TENM2: variants seen among roughly 807,000 people sequenced by gnomAD.
The protein encoded by TENM2 is teneurin-2.
A neutral mutation model predicts 245.2 loss-of-function variants in TENM2; 52 were observed. The observed-to-expected ratio is 0.21, with a 90% CI of 0.17 to 0.27. The LOEUF is 0.27. Ranked by LOEUF, TENM2 falls within the 10% of genes least tolerant of loss-of-function variation. The pLI, the probability that TENM2 is intolerant of heterozygous loss-of-function variation, is 1.00. For synonymous variants in TENM2, 1,363 were observed against 1,438.9 expected (o/e 0.95, Z 1.19); for missense variants, 3,046 against 3,666.8 (o/e 0.83, Z 4.37).
the TENM2 span, among the ~76,000 whole-genome samples, chr5:166,988,835 C>T: frequency 1.3e-5 from 2 of 152,184 alleles, no homozygotes; most frequent in Admixed American, 6.5e-5. Flanking sequence ...TCACCCCCAT[C>T]CTTGCTTCTA....
At chr5:167,648,927 A>G (rs1317607035) in intron 2 of TENM2, among the ~76,000 whole-genome samples, 1 of 152,170 alleles carries the variant, frequency 6.6e-6, no homozygotes, top group African/African-American at 2.4e-5. Context: ...GCCCCTCCCT[A>G]GTAGCGGCCC....
chr5:167,711,085 C>T (rs1582815315), intron 2 of TENM2, among the ~76,000 whole-genome samples: 1 of 152,118 alleles, frequency 6.6e-6, no homozygotes, highest in East Asian at 1.9e-4. Flanking sequence ...AAAAATGGGG[C>T]TCAGAGGGCT....
At chr5:167,957,054 C>A (rs907561805) in intron 4 of TENM2, among the ~76,000 whole-genome samples, 2 of 151,814 alleles carry the variant, frequency 1.3e-5, no homozygotes, top group Non-Finnish European at 2.9e-5. Context: ...ATGGTACCAG[C>A]TCCTTTTTGT....
chr5:167,123,291 G>A, the TENM2 span, among the ~76,000 whole-genome samples: 1 of 152,216 alleles, frequency 6.6e-6, no homozygotes, highest in African/African-American at 2.4e-5. Context: ...CTGCAGTGCA[G>A]CCTGGGGCTT....
the TENM2 span, among the ~76,000 whole-genome samples, chr5:167,039,315 T>C: frequency 6.6e-6 from 1 of 152,098 alleles, no homozygotes; most frequent in Non-Finnish European, 1.5e-5. Context: ...GATTCTTGGA[T>C]TTCATAACCT....
chr5:167,102,349 G>A, the TENM2 span, among the ~76,000 whole-genome samples: 1 of 152,178 alleles, frequency 6.6e-6, no homozygotes, highest in Admixed American at 6.5e-5. Flanking sequence ...ATAATAATCA[G>A]CTAATAAATG....
the TENM2 span, among the ~76,000 whole-genome samples, chr5:167,253,494 A>C: frequency 2.0e-5 from 3 of 152,088 alleles, no homozygotes; most frequent in African/African-American, 4.8e-5. Context: ...ATAATGGTTA[A>C]GTTTTTAAAA....
At chr5:167,774,575 C>T (rs187965509) in intron 2 of TENM2, among the ~76,000 whole-genome samples, 2 of 152,226 alleles carry the variant, frequency 1.3e-5, no homozygotes, top group Middle Eastern at 3.4e-3. Context: ...ACACAAATAT[C>T]TAATAGATGA....
intron 21 of TENM2, 33 bp downstream of exon 23, chr5:168,215,305 A>G (rs532559830): frequency 6.3e-7 from 1 of 1,582,072 alleles, no homozygotes; most frequent in Admixed American, 1.7e-5. Flanking sequence ...CTCCCGCCCC[A>G]GATAAAGCTT....
chr5:167,443,947 C>A (rs926946143), intron 2 of TENM2, among the ~76,000 whole-genome samples: 5 of 151,908 alleles, frequency 3.3e-5, no homozygotes, highest in Admixed American at 3.3e-4. Flanking sequence ...GTTTTTTTAT[C>A]CCAGTAAGTT....
intron 2 of TENM2, among the ~76,000 whole-genome samples, chr5:167,690,920 AGTATGT>A (rs59475547): frequency 0.14 from 18,947 of 136,422 alleles, 1,452 homozygotes; most frequent in East Asian, 0.25. Context: ...CGTATATGCG[AGTATGT>A]GTGTGTGTGT....
chr5:167,469,786 T>C (rs1038504769), intron 2 of TENM2, among the ~76,000 whole-genome samples: 2 of 152,168 alleles, frequency 1.3e-5, no homozygotes, highest in African/African-American at 4.8e-5. Context: ...TGTGTGTGTT[T>C]ATTAAAAGAA....
At position 168,204,485 on chromosome 5, in the gene TENM2, G is replaced by A. The variant is rs1363326450; in HGVS notation, c.3688G>A (p.Gly1230Ser). ...GAGCATTTCCTGTCCCAGCTGCAAC[G>A]GCCTTGCTGAAGGCAACAAGCTGCT... is the stretch of plus-strand genomic sequence containing the variant. Residue 1230 changes from glycine to serine, a missense_variant, in exon 19 of 29, where the codon GGC becomes AGC. By Grantham distance (56) the Gly-to-Ser change is moderately conservative. Coordinates refer to ENST00000518659, the Ensembl canonical transcript of TENM2. The A allele has an allele frequency of 3.7e-6, 6 of 1,614,032 alleles. No homozygotes were observed. Among genetic ancestry groups the A allele is most frequent in the East Asian group, 2.2e-5 (1 of 44,884 alleles).
At chr5:167,285,934 A>G (rs1271523176) in intron 1 of TENM2, among the ~76,000 whole-genome samples, 2 of 152,214 alleles carry the variant, frequency 1.3e-5, no homozygotes, top group African/African-American at 4.8e-5. Context: ...TTCTTGTTCC[A>G]TGTCCTTGGG....
chr5:167,540,542 T>G (rs1253045289), intron 2 of TENM2, among the ~76,000 whole-genome samples: 1 of 152,178 alleles, frequency 6.6e-6, no homozygotes, highest in Non-Finnish European at 1.5e-5. Context: ...TGTGGCTGGT[T>G]TCACACCAAA....
intron 4 of TENM2, among the ~76,000 whole-genome samples, chr5:167,973,412 C>G (rs1446055415): frequency 6.6e-6 from 1 of 152,298 alleles, no homozygotes; most frequent in Middle Eastern, 3.4e-3. Context: ...TTGTAGGGGC[C>G]CAACACGCAG....
chr5:167,263,208 T>G, the TENM2 span, among the ~76,000 whole-genome samples: 3 of 152,338 alleles, frequency 2.0e-5, no homozygotes, highest in East Asian at 1.9e-4. Context: ...GTATGAGCGC[T>G]TACTCTGTTA....
intron 2 of TENM2, among the ~76,000 whole-genome samples, chr5:167,442,991 A>G (rs1764955087): frequency 1.3e-5 from 2 of 152,198 alleles, no homozygotes; most frequent in South Asian, 4.1e-4. Context: ...GTTGTTAAAC[A>G]TTATCCTTTC....
At chr5:167,651,410 AT>A (rs147848179) in intron 2 of TENM2, among the ~76,000 whole-genome samples, 19 of 147,418 alleles carry the variant, frequency 1.3e-4, no homozygotes, top group African/African-American at 3.0e-4. Flanking sequence ...TATCCATCTC[AT>A]TTTTTTTTTC....
Sources: allele counts gnomAD v4.1 joint callset (sites outside exome capture counted in the v4.1 genomes callset), GRCh38; gene constraint gnomAD v4.1.1; transcripts MANE v1.5; gene names NCBI Gene and HGNC (gene_info 2026-07-23, HGNC 2026-07-21).